LNX1: variants seen among roughly 807,000 people sequenced by gnomAD.
LNX1 encodes the protein E3 ubiquitin-protein ligase LNX.
LNX1 carries 54 observed loss-of-function variants against 68.4 expected under a neutral mutation model. The ratio of observed to expected loss-of-function variants is 0.79; its 90% CI spans 0.63 to 0.99. The LOEUF (loss-of-function observed/expected upper bound fraction) is 0.99. Among genes scored for constraint, LNX1 ranks in the 50% least tolerant of loss-of-function variants. The probability of loss-of-function intolerance (pLI) is 0.00; values close to 1 mark genes in which losing one functional copy is unlikely to be tolerated. For synonymous variants in LNX1, 336 were observed against 350.0 expected, an observed-to-expected ratio of 0.96 and a Z score of 0.45; for missense variants, 906 against 926.4, an observed-to-expected ratio of 0.98 and a Z score of 0.29.
At chr4:53,620,130 C>T (rs1366546004), upstream of LNX1, among the ~76,000 whole-genome samples, 4 of 152,150 alleles carry the variant, frequency 2.6e-5, no homozygotes, top group African/African-American at 9.7e-5. Flanking sequence ...TCCTTTACTA[C>T]AAATAATTAA....
At chr4:53,548,055 G>T (rs909113931) in intron 2 of LNX1, among the ~76,000 whole-genome samples, 1 of 151,774 alleles carries the variant, frequency 6.6e-6, no homozygotes, top group East Asian at 1.9e-4. Context: ...GTGGTTGGGG[G>T]TGGTGGGCCT....
chr4:53,652,228 G>A (rs144986746), exon 1 of LNX1: 1 of 152,346 alleles, frequency 6.6e-6, no homozygotes, highest in African/African-American at 2.4e-5. Flanking sequence ...GTCCGTTTGA[G>A]AGCTGAGCTT....
intron 2 of LNX1, among the ~76,000 whole-genome samples, chr4:53,559,477 C>T (rs1730130154): frequency 6.6e-6 from 1 of 152,156 alleles, no homozygotes; most frequent in South Asian, 2.1e-4. Context: ...CTGCTGCATA[C>T]TAGCTGTATG....
intron 1 of LNX1, among the ~76,000 whole-genome samples, chr4:53,641,149 G>A (rs1439014211): frequency 1.5e-5 from 2 of 135,196 alleles, no homozygotes; most frequent in Non-Finnish European, 3.1e-5. Flanking sequence ...TTTGGCCTGG[G>A]TATGCTGGAG....
At chr4:53,467,650 C>T (rs1722788288) in intron 9 of LNX1, among the ~76,000 whole-genome samples, 2 of 152,108 alleles carry the variant, frequency 1.3e-5, no homozygotes, top group South Asian at 4.1e-4. Flanking sequence ...CCTTAAAGGA[C>T]CTGATGGAGC....
At chr4:53,630,066 G>GA (rs1340355042) in intron 1 of LNX1, among the ~76,000 whole-genome samples, 2 of 151,482 alleles carry the variant, frequency 1.3e-5, no homozygotes, top group Admixed American at 6.6e-5. Context: ...ATTTTCCCAT[G>GA]AAAATAGTTT....
intron 2 of LNX1, among the ~76,000 whole-genome samples, chr4:53,568,072 G>A (rs537267280): frequency 1.4e-4 from 21 of 152,208 alleles, no homozygotes; most frequent in African/African-American, 5.1e-4. Flanking sequence ...GAGGTACAAG[G>A]AGGAACTGGT....
At chr4:53,627,842 C>T (rs1331373620) in intron 1 of LNX1, among the ~76,000 whole-genome samples, 1 of 152,132 alleles carries the variant, frequency 6.6e-6, no homozygotes, top group South Asian at 2.1e-4. Flanking sequence ...CCTCATTAGC[C>T]AGTTCTCCTT....
chr4:53,568,381 G>A (rs1457608039), intron 2 of LNX1, among the ~76,000 whole-genome samples: 4 of 151,658 alleles, frequency 2.6e-5, no homozygotes, highest in East Asian at 1.9e-4. Flanking sequence ...TATAAACAGA[G>A]CCAAAGACAA....
chr4:53,597,843 T>C (rs1347526627), intron 2 of LNX1, among the ~76,000 whole-genome samples: 3 of 152,236 alleles, frequency 2.0e-5, no homozygotes, highest in Non-Finnish European at 4.4e-5. Flanking sequence ...AAAGGGGTCC[T>C]CCTTGAATAC....
At chr4:53,500,562 C>A (rs768729947) in intron 4 of LNX1, 2 of 152,162 alleles carry the variant, frequency 1.3e-5, no homozygotes, top group Non-Finnish European at 2.9e-5. Context: ...AATAAGTACT[C>A]AACTCTCTAA....
At chr4:53,550,337 C>T (rs1463689155) in intron 2 of LNX1, among the ~76,000 whole-genome samples, 1 of 152,188 alleles carries the variant, frequency 6.6e-6, no homozygotes, top group Non-Finnish European at 1.5e-5. Flanking sequence ...TATGATTTCT[C>T]CAACATACCC....
chr4:53,589,397 A>G (rs1254058149), intron 1 of LNX1, among the ~76,000 whole-genome samples: 9 of 152,236 alleles, frequency 5.9e-5, no homozygotes, highest in Admixed American at 5.9e-4. Context: ...ATTAATTACA[A>G]TAACAAGAAC....
chr4:53,510,656 T>C (rs139830610), intron 2 of LNX1, among the ~76,000 whole-genome samples: 231 of 152,328 alleles, frequency 1.5e-3, no homozygotes, highest in African/African-American at 5.1e-3. Context: ...TTTGAGCGGC[T>C]CCAACGTAAC....
At chr4:53,533,037 A>T (rs1347229906) in intron 2 of LNX1, among the ~76,000 whole-genome samples, 5 of 152,232 alleles carry the variant, frequency 3.3e-5, no homozygotes, top group African/African-American at 4.8e-5. Context: ...GGACCCTGTT[A>T]TTAAGCACAT....
At chr4:53,629,365 G>C (rs1464022420) in intron 1 of LNX1, among the ~76,000 whole-genome samples, 1 of 152,094 alleles carries the variant, frequency 6.6e-6, no homozygotes, top group Non-Finnish European at 1.5e-5. Flanking sequence ...AAACAGACCA[G>C]GTTTAGGCTG....
In LNX1 at chr4:53,459,721, T is replaced by TA. The variant is rs1034523381; in HGVS notation, c.*1185_*1186insT. ...ACTTAACAGGGAATCTAAAGAGCTG[T>TA]GTTAGCTGTGTACATACACAGATTA... On this transcript the variant is annotated 3_prime_UTR_variant, in exon 11 of 11. Transcript: ENST00000263925. The TA allele has an allele frequency of 2.8e-5, 13 of 472,458 alleles. No individual in the cohort carries two copies. Among genetic ancestry groups the TA allele is most frequent in the African/African-American group, 2.5e-4 (13 of 51,174 alleles). 29.3% of individuals were successfully genotyped at this position (472,458 alleles called of 1,614,324 possible).
chr4:53,470,863 T>G (rs890455612), intron 9 of LNX1, among the ~76,000 whole-genome samples: 7 of 151,934 alleles, frequency 4.6e-5, no homozygotes, highest in Admixed American at 2.0e-4. Context: ...TGGAAGAACA[T>G]TCCATGCTCA....
intron 7 of LNX1, among the ~76,000 whole-genome samples, chr4:53,479,632 G>T (rs1284497468): frequency 9.8e-6 from 1 of 101,866 alleles, no homozygotes; most frequent in Non-Finnish European, 2.6e-5. Context: ...TGAAAGAGAT[G>T]ACTTTTCTAT....
Sources: gnomAD v4.1 joint callset for allele counts (sites outside exome capture counted in the v4.1 genomes callset) on GRCh38, gnomAD v4.1.1 for gene constraint, MANE v1.5 for transcripts, NCBI Gene and HGNC (gene_info 2026-07-23, HGNC 2026-07-21) for gene names.